ZNF385D: variants seen among roughly 807,000 people sequenced by gnomAD.
ZNF385D encodes zinc finger protein 659.
ZNF385D carries 15 observed loss-of-function variants against 35.8 expected under a neutral mutation model. That is an observed-to-expected ratio of 0.42 (90% CI 0.28 to 0.64). ZNF385D has a LOEUF of 0.64. Among genes scored for constraint, ZNF385D ranks in the 30% least tolerant of loss-of-function variants. ZNF385D has a pLI of 0.23. For synonymous variants in ZNF385D, 212 were observed against 186.8 expected (o/e 1.13, Z -1.10); for missense variants, 474 against 494.6 (o/e 0.96, Z 0.39).
chr3:22,247,295 TTAAA>T (rs768815097), intron 2 of ZNF385D, among the ~76,000 whole-genome samples: 30 of 152,102 alleles, frequency 2.0e-4, no homozygotes, highest in Admixed American at 7.2e-4. Flanking sequence ...ACTATTTTTC[TTAAA>T]TAAAAAAACT....
chr3:22,000,573 C>T (rs1356989955), intron 3 of ZNF385D, among the ~76,000 whole-genome samples: 2 of 151,758 alleles, frequency 1.3e-5, no homozygotes, highest in African/African-American at 4.8e-5. Context: ...TTATTTTATT[C>T]CTTTACTTTC....
intron 2 of ZNF385D, among the ~76,000 whole-genome samples, chr3:22,179,842 C>T (rs1353152472): frequency 6.6e-6 from 1 of 152,036 alleles, no homozygotes; most frequent in Non-Finnish European, 1.5e-5. Flanking sequence ...CAGGAAAGAT[C>T]CAAAATTGAC....
chr3:21,899,286 C>G (rs969717495), intron 3 of ZNF385D, among the ~76,000 whole-genome samples: 1 of 152,074 alleles, frequency 6.6e-6, no homozygotes, highest in Non-Finnish European at 1.5e-5. Context: ...ATTTAGCTCA[C>G]CCTCCCTGGT....
In ZNF385D at chr3:22,365,601, T is replaced by G. The variant is rs191821106; in HGVS notation, c.106+6849A>C. 2.0e-5 allele frequency among the ~76,000 whole-genome samples: 3 copies of G among 152,220 alleles called. No homozygotes were observed. The East Asian group carries it at 5.8e-4, about 29-fold the overall frequency. On this transcript the variant is annotated intron_variant, in intron 2 of 5. Transcript: ENST00000494108. ...AAGGAAAACATCTCTGTCTGTTCAA[T>G]TTAACACACCACCAAAATAAAGCAA...
chr3:22,189,404 T>A (rs895484773), intron 2 of ZNF385D, among the ~76,000 whole-genome samples: 1 of 152,126 alleles, frequency 6.6e-6, no homozygotes, highest in Non-Finnish European at 1.5e-5. Flanking sequence ...AATATATACA[T>A]TGCTAGCCTC....
chr3:21,912,213 G>T (rs954875606), intron 3 of ZNF385D, among the ~76,000 whole-genome samples: 1 of 151,714 alleles, frequency 6.6e-6, no homozygotes, highest in African/African-American at 2.4e-5. Flanking sequence ...AAATTATTCA[G>T]CCCAGACCCT....
At chr3:21,507,956 G>A (rs1342116657) in intron 4 of ZNF385D, among the ~76,000 whole-genome samples, 1 of 152,138 alleles carries the variant, frequency 6.6e-6, no homozygotes, top group Non-Finnish European at 1.5e-5. Flanking sequence ...CAAAATATCT[G>A]ATGAGTGTGC....
intron 2 of ZNF385D, among the ~76,000 whole-genome samples, chr3:22,217,741 G>T (rs1697982161): frequency 6.6e-6 from 1 of 152,102 alleles, no homozygotes; most frequent in Admixed American, 6.6e-5. Flanking sequence ...AAGGAGTAGA[G>T]AACAATGAAA....
chr3:21,728,205 A>G (rs2068846337), intron 1 of ZNF385D, among the ~76,000 whole-genome samples: 1 of 151,946 alleles, frequency 6.6e-6, no homozygotes, highest in African/African-American at 2.4e-5. Context: ...TGATGGGTGC[A>G]GCAAACCACC....
intron 3 of ZNF385D, among the ~76,000 whole-genome samples, chr3:22,129,177 CCAAA>C (rs1173748294): frequency 5.3e-5 from 8 of 152,200 alleles, no homozygotes; most frequent in South Asian, 2.1e-4. Flanking sequence ...TTACTTTTCC[CCAAA>C]CAAACAGAGT....
intron 3 of ZNF385D, among the ~76,000 whole-genome samples, chr3:21,887,220 A>G (rs913542403): frequency 6.6e-5 from 10 of 152,322 alleles, no homozygotes; most frequent in Admixed American, 6.5e-4. Flanking sequence ...AAATGTCATC[A>G]AAGATATTTG....
intron 3 of ZNF385D, among the ~76,000 whole-genome samples, chr3:21,897,182 A>G (rs749392261): frequency 3.9e-5 from 6 of 152,176 alleles, no homozygotes; most frequent in Admixed American, 6.6e-5. Context: ...ACCTGAGATA[A>G]GAATGCTTAG....
intron 2 of ZNF385D, among the ~76,000 whole-genome samples, chr3:22,222,564 A>C (rs1186867650): frequency 6.6e-6 from 1 of 152,166 alleles, no homozygotes; most frequent in Non-Finnish European, 1.5e-5. Flanking sequence ...GACTTGAACT[A>C]GGCTTGCATA....
intron 3 of ZNF385D, among the ~76,000 whole-genome samples, chr3:22,131,629 G>T (rs1484555849): frequency 6.6e-6 from 1 of 152,132 alleles, no homozygotes; most frequent in Non-Finnish European, 1.5e-5. Context: ...TGGAAGGGAA[G>T]GCCACTGCAA....
chr3:22,239,678 T>C (rs959956991), intron 2 of ZNF385D, among the ~76,000 whole-genome samples: 2 of 151,046 alleles, frequency 1.3e-5, no homozygotes, highest in Non-Finnish European at 2.9e-5. Flanking sequence ...TTTAAAAATA[T>C]CCTCCAATAA....
chr3:21,787,393 A>G (rs1056250421), intron 3 of ZNF385D, among the ~76,000 whole-genome samples: 1 of 152,176 alleles, frequency 6.6e-6, no homozygotes, highest in East Asian at 1.9e-4. Flanking sequence ...AGCTAAAACA[A>G]AAATAGATGT....
intron 3 of ZNF385D, among the ~76,000 whole-genome samples, chr3:22,066,474 G>GTT (rs1157591055): frequency 8.0e-6 from 1 of 124,492 alleles, no homozygotes; most frequent in African/African-American, 2.6e-5. Context: ...GTGTGTGTGT[G>GTT]TGTGTGTGTG....
At chr3:21,949,672 C>T (rs1209821846) in intron 3 of ZNF385D, among the ~76,000 whole-genome samples, 1 of 151,300 alleles carries the variant, frequency 6.6e-6, no homozygotes, top group African/African-American at 2.4e-5. Flanking sequence ...CCATCATCTA[C>T]ATTAGGTATT....
chr3:21,596,023 G>T (rs73137046), intron 2 of ZNF385D, among the ~76,000 whole-genome samples: 4,676 of 152,154 alleles, frequency 0.031, 164 homozygotes, highest in African/African-American at 0.081. Flanking sequence ...CAATGCAAAG[G>T]CATTTTTATT....
Sources: gnomAD v4.1 joint callset for allele counts (sites outside exome capture counted in the v4.1 genomes callset) on GRCh38, gnomAD v4.1.1 for gene constraint, MANE v1.5 for transcripts, NCBI Gene and HGNC (gene_info 2026-07-23, HGNC 2026-07-21) for gene names.